WDR82: variants seen among roughly 807,000 people sequenced by gnomAD.
WDR82 encodes WD repeat-containing protein 82.
Under a neutral mutation model 36.1 loss-of-function variants are expected in WDR82, and 8 were observed. The ratio of observed to expected loss-of-function variants is 0.22; its 90% CI spans 0.13 to 0.40. The LOEUF is 0.40. Ranked by LOEUF, WDR82 falls within the 10% of genes least tolerant of loss-of-function variation. The probability of loss-of-function intolerance (pLI) is 1.00; values close to 1 mark genes in which losing one functional copy is unlikely to be tolerated. For missense variants in WDR82, 185 were observed against 400.5 expected (o/e 0.46, Z 4.59); for synonymous variants, 129 against 137.8 (o/e 0.94, Z 0.45).
chr3:52,265,046 T>C (rs1221334464), intron 3 of WDR82, among the ~76,000 whole-genome samples: 2 of 151,820 alleles, frequency 1.3e-5, no homozygotes, highest in Non-Finnish European at 2.9e-5. Flanking sequence ...CCGGGTGCGG[T>C]GGCTCACGTC....
Position 52,258,526 on chromosome 3 carries a change from G to A in WDR82, c.912+10C>T, listed in dbSNP as rs1336914892. 2 of 1,613,194 alleles carry A rather than the reference G, an allele frequency of 1.2e-6. No homozygotes were observed. Among genetic ancestry groups the A allele is most frequent in the Non-Finnish European group, 1.7e-6 (2 of 1,179,876 alleles). On this transcript the variant is annotated intron_variant, in intron 8 of 8. Coordinates refer to ENST00000296490, the MANE Select transcript of WDR82 (RefSeq NM_025222.4). ...CCCTGAGTAGCAGATACCTCTTACT[G>A]TTCACATACCATGTTGGAACACGCA...
rs1434092254 is a variant in WDR82 at position 52,259,760 on chromosome 3, C to T, written c.656G>A (p.Arg219His). The change falls in exon 6 of 9, where the codon CGT becomes CAT. Residue 219 changes from arginine (R) to histidine (H), a missense_variant. Arg to His is a conservative substitution (Grantham distance 29). This residue lies in a region of WDR82 where 110 missense variants were observed against 212.6 expected (regional missense o/e 0.52). Transcript: ENST00000296490. ...CACTCCTTTGAATGCATCAATCAGA[C>T]GAATGAAGCTGCCGTTGGTGGAAAT... ...ILISTNGSFI[R>H]LIDAFKGVVM... 1.2e-6 allele frequency: 2 copies of T among 1,614,032 alleles called. No homozygotes were observed. Among genetic ancestry groups the T allele is most frequent in the Non-Finnish European group, 1.7e-6 (2 of 1,179,966 alleles).
At position 52,256,268 on chromosome 3, in the gene WDR82, G is replaced by A. The variant is rs1700006343; in HGVS notation, c.*1222C>T. 1 of 153,752 alleles carries A rather than the reference G, an allele frequency of 6.5e-6. No individual in the cohort carries two copies. The highest frequency in any genetic ancestry group is 1.5e-5 in the Non-Finnish European group (1 of 68,046). 9.5% of individuals were successfully genotyped at this position (153,752 alleles called of 1,614,324 possible). A position where few individuals can be genotyped will look rare whatever the true frequency, so the allele number is the denominator to read the frequency against. Reference sequence around the variant, plus strand: ...ATACTTGTGGCAAACACTATTAGCAGGGATGCAGGGTGTCTCCTGGGCTGC... The same window carrying A: ...ATACTTGTGGCAAACACTATTAGCAAGGATGCAGGGTGTCTCCTGGGCTGC... On this transcript the variant is annotated 3_prime_UTR_variant, in exon 9 of 9. Coordinates refer to ENST00000296490, the MANE Select transcript of WDR82 (RefSeq NM_025222.4).
intron 2 of WDR82, among the ~76,000 whole-genome samples, chr3:52,268,824 A>G (rs1189040926): frequency 6.6e-6 from 1 of 151,996 alleles, no homozygotes; most frequent in Non-Finnish European, 1.5e-5. Flanking sequence ...ATGACATTAG[A>G]AAAATCTTTT....
In WDR82 at chr3:52,255,574, T is replaced by C. The variant is rs2107327054; in HGVS notation, c.*1916A>G. On this transcript the variant is annotated 3_prime_UTR_variant, in exon 9 of 9. Coordinates refer to ENST00000296490, the MANE Select transcript of WDR82 (RefSeq NM_025222.4). ...TACATTTGGGAAAGGTGTACGCCTC[T>C]TGCACTTTCAGAGGAACAAGTCAAA... 6.6e-6 allele frequency: 1 copy of C among 152,146 alleles called. No homozygotes were observed. The highest frequency in any genetic ancestry group is 2.1e-4 in the South Asian group (1 of 4,826). 9.4% of individuals were successfully genotyped at this position (152,146 alleles called of 1,614,324 possible).
chr3:52,260,417 C>G lies in WDR82; in HGVS notation c.511G>C (p.Val171Leu). Residue 171 changes from valine (V) to leucine (L), a missense_variant, in exon 5 of 9, where the codon GTC becomes CTC. Coordinates refer to ENST00000296490, the MANE Select transcript of WDR82 (RefSeq NM_025222.4). ...IFAAGVNSEM[V>L]KLYDLRSFDK... ...AAAGAACGAAGGTCATAAAGCTTGA[C>G]CATTTCAGAGTTGACACCTGCAGCG... 6.3e-7 allele frequency: 1 copy of G among 1,587,362 alleles called. No homozygotes were observed. The highest frequency in any genetic ancestry group is 1.2e-5 in the South Asian group (1 of 86,778).
chr3:52,261,513 G>A (rs372217273), intron 3 of WDR82, 34 bp from the exon 4 acceptor site: 142 of 1,575,604 alleles, frequency 9.0e-5, no homozygotes, highest in South Asian at 7.8e-4. Flanking sequence ...GAGTTGATGC[G>A]AAATATTAGC....
chr3:52,276,539 A>G (rs1700204767), intron 1 of WDR82, among the ~76,000 whole-genome samples: 3 of 152,194 alleles, frequency 2.0e-5, no homozygotes, highest in Admixed American at 6.5e-5. Flanking sequence ...AAGAAATGCT[A>G]TAACAACCTT....
At chr3:52,258,733 C>G in intron 7 of WDR82, 55 bp from the exon 8 acceptor site, 2 of 1,609,658 alleles carry the variant, frequency 1.2e-6, no homozygotes, top group Non-Finnish European at 8.5e-7. Flanking sequence ...ACAAAGACAA[C>G]TGGAAATGAG....
intron 2 of WDR82, among the ~76,000 whole-genome samples, chr3:52,270,274 T>C (rs564975662): frequency 6.6e-6 from 1 of 152,268 alleles, no homozygotes; most frequent in South Asian, 2.1e-4. Context: ...CGTGCACCAC[T>C]GTGCCCAGCT....
Position 52,278,634 on chromosome 3 carries a change from A to T in WDR82, c.-273T>A, listed in dbSNP as rs2107346895. 2.5e-6 allele frequency: 1 copy of T among 397,686 alleles called. No individual in the cohort carries two copies. The allele number at this position is 397,686 out of a possible 1,614,324, so 24.6% of individuals were successfully genotyped here. On this transcript the variant is annotated 5_prime_UTR_variant, in exon 1 of 9. Coordinates refer to ENST00000296490, the MANE Select transcript of WDR82 (RefSeq NM_025222.4). The stretch of plus-strand genomic sequence containing the variant: ...TCATTGTGTCCGCCATTTTGGGGCG[A>T]CAGGCAGAAGCTGAGGGCGAGGAGC...
chr3:52,266,459 ACGGAG>A lies in WDR82; in HGVS notation c.326+488_326+492del, dbSNP rs1482169462. ...ATATATATACATATATATCTTTGAG[ACGGAG>A]TCTCACTCTGTCGCCCAAGCTGGAG... On this transcript the variant is annotated intron_variant, in intron 3 of 8. Transcript: ENST00000296490. Among the ~76,000 whole-genome samples the A allele has an allele frequency of 1.1e-4, 17 of 152,238 alleles. No individual in the cohort carries two copies. In the South Asian group the frequency reaches 2.3e-3, roughly 20 times the overall value.
At chr3:52,272,952 A>C (rs1388431352) in intron 1 of WDR82, among the ~76,000 whole-genome samples, 1 of 152,176 alleles carries the variant, frequency 6.6e-6, no homozygotes, top group African/African-American at 2.4e-5. Flanking sequence ...ATAACACTTC[A>C]CTCCTAAAAA....
At position 52,264,215 on chromosome 3, in the gene WDR82, A is replaced by G. The variant is rs574384053; in HGVS notation, c.327-2736T>C. On this transcript the variant is annotated intron_variant, in intron 3 of 8. Transcript: ENST00000296490. Reference sequence around the variant, plus strand: ...TAGGTGGAAGGCGGGTCTGAAACTGATAATAGACATGAGCTAAAAATACTG... The same window carrying G: ...TAGGTGGAAGGCGGGTCTGAAACTGGTAATAGACATGAGCTAAAAATACTG... Among the ~76,000 whole-genome samples the G allele has an allele frequency of 7.9e-5, 12 of 152,334 alleles. 1 individual carries two copies. In the South Asian group the frequency reaches 2.1e-3, roughly 26 times the overall value.
At chr3:52,270,875 T>G in intron 1 of WDR82, 66 bp from the exon 2 acceptor site, 1 of 1,242,094 alleles carries the variant, frequency 8.1e-7, no homozygotes, top group Non-Finnish European at 1.1e-6. Flanking sequence ...GATCTCCACA[T>G]AAAGAGAAGC....
In WDR82 at chr3:52,255,321, T is replaced by C. The variant is rs1367855418; in HGVS notation, c.*2169A>G. The C allele has an allele frequency of 1.3e-5, 2 of 152,210 alleles. No homozygotes were observed. Among genetic ancestry groups the C allele is most frequent in the Admixed American group, 1.3e-4 (2 of 15,276 alleles). 9.4% of individuals were successfully genotyped at this position (152,210 alleles called of 1,614,324 possible). A position where few individuals can be genotyped will look rare whatever the true frequency, so the allele number is the denominator to read the frequency against. ...TCAAATACAATCATTTTCCTGCTGC[T>C]AAGTAATGCTTGGTGGCTGCTCTGG... On this transcript the variant is annotated 3_prime_UTR_variant, in exon 9 of 9. Transcript: ENST00000296490.
chr3:52,263,248 G>A (rs1023953476), intron 3 of WDR82, among the ~76,000 whole-genome samples: 9 of 152,198 alleles, frequency 5.9e-5, no homozygotes, highest in African/African-American at 1.2e-4. Flanking sequence ...ACATGGAGAA[G>A]TAAGACCCCG....
chr3:52,259,910 A>G lies in WDR82; in HGVS notation c.544-38T>C. Reference sequence around the variant, plus strand: ...AAAAACAGTAGCCCCAGGCATATTAATAATTTCTTCTGCTAGAGCCAATTC... The same window carrying G: ...AAAAACAGTAGCCCCAGGCATATTAGTAATTTCTTCTGCTAGAGCCAATTC... On this transcript the variant is annotated intron_variant, in intron 5 of 8. Transcript: ENST00000296490. 5 of 1,583,274 alleles carry G rather than the reference A, an allele frequency of 3.2e-6. No individual in the cohort carries two copies. The South Asian group carries it at 3.4e-5, about 11-fold the overall frequency.
At chr3:52,274,816 C>T (rs1016950074) in intron 1 of WDR82, among the ~76,000 whole-genome samples, 3 of 151,970 alleles carry the variant, frequency 2.0e-5, no homozygotes, top group East Asian at 1.9e-4. Flanking sequence ...GCACGAGAAT[C>T]GCTTGAATCC....
Sources: allele counts gnomAD v4.1 joint callset (sites outside exome capture counted in the v4.1 genomes callset), GRCh38; gene constraint gnomAD v4.1.1; regional missense constraint gnomAD v4.1.1; transcripts MANE v1.5; gene names NCBI Gene and HGNC (gene_info 2026-07-23, HGNC 2026-07-21).